The following PELI2 variants were observed in gnomAD, a reference collection of about 807,000 sequenced individuals.
PELI2 encodes the protein pellino E3 ubiquitin protein ligase family member 2.
In PELI2, 23 loss-of-function variants were observed where a neutral mutation model predicts 42.3. The ratio of observed to expected loss-of-function variants is 0.54; its 90% CI spans 0.39 to 0.77. The LOEUF (loss-of-function observed/expected upper bound fraction) is 0.77, where lower values mean the gene tolerates loss of function less well. PELI2 is among the 30% of genes least tolerant of loss of function. The pLI is 0.00. For missense variants in PELI2, 463 were observed against 553.2 expected (o/e 0.84, Z 1.64); for synonymous variants, 245 against 212.2 (o/e 1.15, Z -1.34).
intron 2 of PELI2, among the ~76,000 whole-genome samples, chr14:56,256,382 G>A (rs557304547): frequency 6.6e-5 from 10 of 152,194 alleles, no homozygotes; most frequent in African/African-American, 2.4e-4. Context: ...AACCTAAAAA[G>A]ATTGAGGCAG....
intron 1 of PELI2, among the ~76,000 whole-genome samples, chr14:56,166,876 C>T (rs1363373420): frequency 6.6e-6 from 1 of 152,160 alleles, no homozygotes; most frequent in East Asian, 1.9e-4. Flanking sequence ...CAAGCTCCAT[C>T]TCCTGGGTTC....
In PELI2 at chr14:56,267,752, G is replaced by A. The variant is rs146460715; in HGVS notation, c.208-11924G>A. On this transcript the variant is annotated intron_variant, in intron 2 of 5. Transcript: ENST00000267460. ...TAGGCCAAGTCTTAAAAAAATTCAAGTAAAATGAGGGAAAAATTGGAATCT... is the reference window on the plus strand; with the variant it reads ...TAGGCCAAGTCTTAAAAAAATTCAAATAAAATGAGGGAAAAATTGGAATCT... Among the ~76,000 whole-genome samples, 875 of 152,204 alleles carry A rather than the reference G, an allele frequency of 5.7e-3. 9 individuals carry two copies. Among genetic ancestry groups the A allele is most frequent in the Middle Eastern group, 0.014 (4 of 294 alleles).
chr14:56,232,625 A>G (rs1283660862), intron 2 of PELI2, among the ~76,000 whole-genome samples: 2 of 152,040 alleles, frequency 1.3e-5, no homozygotes, highest in East Asian at 1.9e-4. Flanking sequence ...AATAAGAGCT[A>G]TTTATGACAA....
At position 56,129,077 on chromosome 14, in the gene PELI2, A is replaced by T. The variant is rs376659497; in HGVS notation, c.77+10340A>T. 1.3e-4 allele frequency among the ~76,000 whole-genome samples: 20 copies of T among 152,182 alleles called. 1 individual carries two copies. The highest frequency in any genetic ancestry group is 7.9e-4 in the Admixed American group (12 of 15,280). On this transcript the variant is annotated intron_variant, in intron 1 of 5. Coordinates refer to ENST00000267460, the MANE Select transcript of PELI2 (RefSeq NM_021255.3). Reference sequence around the variant, plus strand: ...GGGGTGAGAGGGCCTTTGTGATGAGAGAGACTTGAAAGGAAGGACCTGGGC... The same window carrying T: ...GGGGTGAGAGGGCCTTTGTGATGAGTGAGACTTGAAAGGAAGGACCTGGGC...
chr14:56,283,742 C>T (rs929687046), intron 3 of PELI2, among the ~76,000 whole-genome samples: 2 of 152,150 alleles, frequency 1.3e-5, no homozygotes, highest in Non-Finnish European at 2.9e-5. Context: ...ACCAGCTCAG[C>T]CTCTTTAAAT....
At chr14:56,227,414 G>A (rs911809971) in intron 2 of PELI2, among the ~76,000 whole-genome samples, 19 of 152,296 alleles carry the variant, frequency 1.2e-4, no homozygotes, top group African/African-American at 4.3e-4. Context: ...AAATACCTAA[G>A]TATATCTGGG....
intron 1 of PELI2, among the ~76,000 whole-genome samples, chr14:56,158,717 G>T (rs1884654826): frequency 6.6e-6 from 1 of 152,130 alleles, no homozygotes. Flanking sequence ...ATTTAAAAGA[G>T]TCAGTGTTTT....
intron 2 of PELI2, among the ~76,000 whole-genome samples, chr14:56,218,502 T>C (rs1186036809): frequency 6.6e-6 from 1 of 152,268 alleles, no homozygotes; most frequent in Non-Finnish European, 1.5e-5. Context: ...TGTAGTTGAC[T>C]GTGTAGTCAG....
chr14:56,251,317 A>G (rs1365379355), intron 2 of PELI2, among the ~76,000 whole-genome samples: 1 of 152,202 alleles, frequency 6.6e-6, no homozygotes, highest in East Asian at 1.9e-4. Context: ...TAGTAGCATA[A>G]TATTTGTGTA....
chr14:56,218,146 C>A (rs8014536), intron 2 of PELI2, among the ~76,000 whole-genome samples: 60,907 of 152,110 alleles, frequency 0.4, 13,049 homozygotes, highest in South Asian at 0.53. Context: ...CAGTGGTCTA[C>A]CAAAGAAGAG....
intron 2 of PELI2, among the ~76,000 whole-genome samples, chr14:56,272,845 C>A (rs1238765126): frequency 6.6e-6 from 1 of 152,160 alleles, no homozygotes; most frequent in Admixed American, 6.5e-5. Context: ...TGCTGCCTGC[C>A]ATGGTAGACA....
At chr14:56,142,356 A>G (rs889780992) in intron 1 of PELI2, among the ~76,000 whole-genome samples, 1 of 152,150 alleles carries the variant, frequency 6.6e-6, no homozygotes, top group Non-Finnish European at 1.5e-5. Context: ...GCTCCCATTT[A>G]CCAGTAACTG....
At chr14:56,156,075 TTTTATC>T (rs1884555603) in intron 1 of PELI2, among the ~76,000 whole-genome samples, 1 of 152,216 alleles carries the variant, frequency 6.6e-6, no homozygotes, top group East Asian at 1.9e-4. Flanking sequence ...ACATCTACTG[TTTTATC>T]TTTAATTACG....
chr14:56,237,701 C>T (rs1460191554), intron 2 of PELI2, among the ~76,000 whole-genome samples: 1 of 149,880 alleles, frequency 6.7e-6, no homozygotes, highest in African/African-American at 2.5e-5. Context: ...CTAGTGTGTC[C>T]GTTCCTCAAA....
At chr14:56,125,813 C>A (rs1336296763) in intron 1 of PELI2, among the ~76,000 whole-genome samples, 2 of 152,082 alleles carry the variant, frequency 1.3e-5, no homozygotes, top group East Asian at 1.9e-4. Context: ...ACCTTGACTT[C>A]CCCCCTCCTT....
chr14:56,254,018 C>T (rs1407956588), intron 2 of PELI2, among the ~76,000 whole-genome samples: 1 of 152,134 alleles, frequency 6.6e-6, no homozygotes, highest in East Asian at 1.9e-4. Flanking sequence ...TGAAACAGAA[C>T]AGAAGCTTCA....
intron 1 of PELI2, among the ~76,000 whole-genome samples, chr14:56,133,063 AT>A (rs1883552395): frequency 6.6e-6 from 1 of 152,048 alleles, no homozygotes; most frequent in African/African-American, 2.4e-5. Flanking sequence ...TTTTGGAAAA[AT>A]CCTCATTTTT....
intron 2 of PELI2, among the ~76,000 whole-genome samples, chr14:56,179,159 C>T (rs1486692129): frequency 2.6e-5 from 4 of 152,008 alleles, no homozygotes; most frequent in Non-Finnish European, 1.5e-5. Flanking sequence ...GTTACATAGT[C>T]GATTTATTAC....
Position 56,178,264 on chromosome 14 carries a change from A to G in PELI2, c.78-71A>G, listed in dbSNP as rs866340673. 71 of 1,522,098 alleles carry G rather than the reference A, an allele frequency of 4.7e-5. 1 individual carries two copies. In the Middle Eastern group the frequency reaches 4.5e-3, roughly 96 times the overall value. The allele number at this position is 1,522,098 out of a possible 1,614,324, so 94.3% of individuals were successfully genotyped here. On this transcript the variant is annotated intron_variant, in intron 1 of 5. Coordinates refer to ENST00000267460, the MANE Select transcript of PELI2 (RefSeq NM_021255.3). ...CCATTCCTGTCTTTTCCCTTATTCA[A>G]TACCTCTAACTTTTATGTTTAAAGC... is the stretch of plus-strand genomic sequence containing the variant.
Sources: allele counts gnomAD v4.1 joint callset (sites outside exome capture counted in the v4.1 genomes callset), GRCh38; gene constraint gnomAD v4.1.1; transcripts MANE v1.5; gene names NCBI Gene and HGNC (gene_info 2026-07-23, HGNC 2026-07-21).